Variants in COL7A1 observed in about 807,000 individuals in gnomAD.
COL7A1 encodes the protein collagen alpha-1(VII) chain.
In COL7A1, 296 loss-of-function variants were observed where a neutral mutation model predicts 456.2. The ratio of observed to expected loss-of-function variants is 0.65; its 90% confidence interval spans 0.59 to 0.71. The LOEUF (loss-of-function observed/expected upper bound fraction) is 0.71. COL7A1 is among the 30% of genes least tolerant of loss of function. COL7A1 has a pLI of 0.00. For missense variants in COL7A1, 3,441 were observed against 4,017.2 expected, an observed-to-expected ratio of 0.86 and a Z score of 3.88; for synonymous variants, 1,464 against 1,525.9, an observed-to-expected ratio of 0.96 and a Z score of 0.95.
Position 48,591,738 on chromosome 3 carries a change from C to T in COL7A1, c.1442G>A (p.Arg481His), listed in dbSNP as rs147040026. ...LDGLQPGTEY[R>H]LTLYTLLEGH... ...CTCCAGCAGAGTGTAGAGTGTGAGG[C>T]GGTACTCAGTGCCCGGCTGCAGCCC... The change falls in exon 12 of 119, where the codon CGC becomes CAC. Residue 481 changes from arginine (R) to histidine (H), a missense_variant. Coordinates refer to ENST00000681320, the MANE Select transcript of COL7A1 (RefSeq NM_000094.4). The surrounding 1 kb of genome is among the most constrained non-coding windows in gnomAD (Gnocchi z 7.0). 1.1e-5 allele frequency: 17 copies of T among 1,613,982 alleles called. No homozygotes were observed. Among genetic ancestry groups the T allele is most frequent in the East Asian group, 2.2e-5 (1 of 44,900 alleles).
rs1004844277 is a variant in COL7A1 at position 48,578,226 on chromosome 3, A to G, written c.5532+95T>C. On this transcript the variant is annotated intron_variant, in intron 65 of 118. Transcript: ENST00000681320. This position sits in a 1 kb window ranked among gnomAD's most constrained non-coding sequence, Gnocchi z 4.7. ...TGTCTGGGCCAGGATGCATGTGTCT[A>G]CACGTGTGCCTCATGTGTTGCTACA... 5.6e-6 allele frequency: 8 copies of G among 1,423,226 alleles called. No individual in the cohort carries two copies. The Admixed American group carries it at 1.4e-4, about 26-fold the overall frequency. The allele number at this position is 1,423,226 out of a possible 1,614,324, so 88.2% of individuals were successfully genotyped here. A position where few individuals can be genotyped will look rare whatever the true frequency, so the allele number is the denominator to read the frequency against.
rs2045489953 is a variant in COL7A1, at chr3:48,588,915, C to A, written c.2395G>T (p.Val799Phe). The stretch of plus-strand genomic sequence containing the variant: ...AGTCTGTAAGCTGTGGCTCCAGTGA[C>A]CCCTACCCAGGTGATCCGTAGAACG... ...SDVLRITWVG[V>F]TGATAYRLAW... The change falls in exon 19 of 119, where the codon GTC (valine) becomes TTC (phenylalanine). Residue 799 changes from valine to phenylalanine, a missense_variant. Val to Phe is a conservative substitution (Grantham distance 50). Transcript: ENST00000681320. The surrounding 1 kb of genome is among the most constrained non-coding windows in gnomAD (Gnocchi z 4.6). The A allele has an allele frequency of 1.2e-6, 2 of 1,613,570 alleles. No homozygotes were observed. Among genetic ancestry groups the A allele is most frequent in the Admixed American group, 1.7e-5 (1 of 60,012 alleles).
chr3:48,579,425 T>G lies in COL7A1; in HGVS notation c.5272-21A>C, dbSNP rs1362982954. The G allele has an allele frequency of 4.3e-6, 7 of 1,614,110 alleles. No homozygotes were observed. Among genetic ancestry groups the G allele is most frequent in the Non-Finnish European group, 5.9e-6 (7 of 1,180,006 alleles). ...TCCCCCTGGAGGGAACAGGGTCAGA[T>G]AAGAGGTGAGGGTAAGATGGGGACT... On this transcript the variant is annotated intron_variant, in intron 60 of 118. Transcript: ENST00000681320. The surrounding 1 kb of genome is among the most constrained non-coding windows in gnomAD (Gnocchi z 4.4).
In COL7A1 at chr3:48,584,919, A is replaced by C; in HGVS notation, c.4002T>G (p.Arg1334=). Residue 1334 remains arginine (R), a synonymous_variant, in exon 34 of 119, where the codon CGT becomes CGG. Transcript: ENST00000681320. Reference sequence around the variant, plus strand: ...AGGGAAGGCACCTTACCGGGTCCCCACGAGGGCCAGGCAACCCTGGAGAGC... The same window carrying C: ...AGGGAAGGCACCTTACCGGGTCCCCCCGAGGGCCAGGCAACCCTGGAGAGC... ...LKGSPGLPGP[R]GDPGERGPRG... is the part of the protein sequence containing the mutation. The C allele has an allele frequency of 6.2e-7, 1 of 1,613,982 alleles. No individual in the cohort carries two copies. Among genetic ancestry groups the C allele is most frequent in the Non-Finnish European group, 8.5e-7 (1 of 1,180,006 alleles).
rs78606463 is a variant in COL7A1, at chr3:48,576,930, C to T, written c.5569-11G>A. On this transcript the variant is annotated splice_polypyrimidine_tract_variant and intron_variant, in intron 66 of 118. Transcript: ENST00000681320. ...ATCTCCTTTCTCTCCCTAAGGAAGACAAGGATGCTTCAGGCATGGCTCCAA... is the reference window on the plus strand; with the variant it reads ...ATCTCCTTTCTCTCCCTAAGGAAGATAAGGATGCTTCAGGCATGGCTCCAA... 6.2e-7 allele frequency: 1 copy of T among 1,614,050 alleles called. No homozygotes were observed. Among genetic ancestry groups the T allele is most frequent in the African/African-American group, 1.3e-5 (1 of 75,020 alleles).
At position 48,565,494 on chromosome 3, in the gene COL7A1, G is replaced by T. The variant is rs1427194432; in HGVS notation, c.8443C>A (p.Pro2815Thr). 6.2e-7 allele frequency: 1 copy of T among 1,613,634 alleles called. No homozygotes were observed. The highest frequency in any genetic ancestry group is 1.1e-5 in the South Asian group (1 of 90,978). Residue 2815 changes from proline (P) to threonine (T), a missense_variant and splice_region_variant, in exon 116 of 119, where the codon CCC becomes ACC. Coordinates refer to ENST00000681320, the MANE Select transcript of COL7A1 (RefSeq NM_000094.4). This position sits in a 1 kb window ranked among gnomAD's most constrained non-coding sequence, Gnocchi z 4.5. ...QGQFIASGSR[P>T]LPSYAADTAG... The stretch of plus-strand genomic sequence containing the variant: ...GTGTCTGCAGCATAACTAGGGAGGG[G>T]TCCTGGAGCCAAGAGCAGGGGCCTC...
At position 48,585,054 on chromosome 3, in the gene COL7A1, A is replaced by G; in HGVS notation, c.3957T>C (p.Pro1319=). The change falls in exon 33 of 119, where the codon CCT becomes CCC. Residue 1319 remains proline (P), a synonymous_variant. Transcript: ENST00000681320. The surrounding 1 kb of genome is among the most constrained non-coding windows in gnomAD (Gnocchi z 4.5). ...TGCTCACCTTTAGGCCAGGGGCTCC[A>G]GGGGTCCCAGGATTCCCGGCGCGGC... ...SPGRAGNPGT[P]GAPGLKGSPG... The G allele has an allele frequency of 6.2e-7, 1 of 1,612,888 alleles. No individual in the cohort carries two copies.
At position 48,564,811 on chromosome 3, in the gene COL7A1, T is replaced by A; in HGVS notation, c.8790A>T (p.Pro2930=). ...TCCCCTGGCTCTGGACCACCCGGGG[T>A]GGGCAGCGGCGCTCGCAGGCCTCAC... ...GTREACERRC[P]PRVVQSQGTG... is the part of the protein sequence containing the mutation. Residue 2930 remains proline, a synonymous_variant, in exon 118 of 119, where the codon CCA becomes CCT. Coordinates refer to ENST00000681320, the MANE Select transcript of COL7A1 (RefSeq NM_000094.4). This position sits in a 1 kb window ranked among gnomAD's most constrained non-coding sequence, Gnocchi z 6.0. 1.2e-6 allele frequency: 2 copies of A among 1,613,652 alleles called. No individual in the cohort carries two copies. The highest frequency in any genetic ancestry group is 2.2e-5 in the South Asian group (2 of 91,068).
In COL7A1 at chr3:48,588,937, A is replaced by C; in HGVS notation, c.2373T>G (p.Val791=). Reference sequence around the variant, plus strand: ...TGACCCCTACCCAGGTGATCCGTAGAACGTCGCTGGAAGCATTGAGGATCT... The same window carrying C: ...TGACCCCTACCCAGGTGATCCGTAGCACGTCGCTGGAAGCATTGAGGATCT... ...RLQILNASSD[V]LRITWVGVTG... is the part of the protein sequence containing the mutation. The change falls in exon 19 of 119, where the codon GTT becomes GTG. Residue 791 remains valine (V), a synonymous_variant. Transcript: ENST00000681320. The surrounding 1 kb of genome is among the most constrained non-coding windows in gnomAD (Gnocchi z 4.6). 1 of 1,613,634 alleles carries C rather than the reference A, an allele frequency of 6.2e-7. No individual in the cohort carries two copies. Among genetic ancestry groups the C allele is most frequent in the Non-Finnish European group, 8.5e-7 (1 of 1,180,032 alleles).
At position 48,580,377 on chromosome 3, in the gene COL7A1, G is replaced by T. The variant is rs752874499; in HGVS notation, c.5053-33C>A. 2.8e-5 allele frequency: 45 copies of T among 1,602,672 alleles called. 1 individual carries two copies. Among genetic ancestry groups the T allele is most frequent in the Non-Finnish European group, 3.7e-5 (44 of 1,173,794 alleles). On this transcript the variant is annotated intron_variant, in intron 55 of 118. Transcript: ENST00000681320. The surrounding 1 kb of genome is among the most constrained non-coding windows in gnomAD (Gnocchi z 4.5). Reference sequence around the variant, plus strand: ...AAGGCAGGGGTCAGGGCCACTCAAGGTAGGCAGCAGTTTGGGAGAGCTTTG... The same window carrying T: ...AAGGCAGGGGTCAGGGCCACTCAAGTTAGGCAGCAGTTTGGGAGAGCTTTG...
Position 48,564,647 on chromosome 3 carries a change from G to T in COL7A1, c.8818+136C>A. ...ATTCAGCTCTTTGGTCTGGGCGTCT[G>T]CCCCAGGTCCCCTACTGCGAGGGAG... On this transcript the variant is annotated intron_variant, in intron 118 of 118. Coordinates refer to ENST00000681320, the MANE Select transcript of COL7A1 (RefSeq NM_000094.4). This position sits in a 1 kb window ranked among gnomAD's most constrained non-coding sequence, Gnocchi z 6.0. 8.8e-7 allele frequency: 1 copy of T among 1,133,010 alleles called. No homozygotes were observed. Among genetic ancestry groups the T allele is most frequent in the Non-Finnish European group, 1.3e-6 (1 of 793,998 alleles). 70.2% of individuals were successfully genotyped at this position (1,133,010 alleles called of 1,614,324 possible). A position where few individuals can be genotyped will look rare whatever the true frequency, so the allele number is the denominator to read the frequency against.
rs1262422383 is a variant in COL7A1 at position 48,590,219 on chromosome 3, G to T, written c.2044C>A (p.Arg682=). The T allele has an allele frequency of 1.2e-6, 2 of 1,613,136 alleles. No individual in the cohort carries two copies. Among genetic ancestry groups the T allele is most frequent in the Non-Finnish European group, 1.7e-6 (2 of 1,179,850 alleles). Residue 682 remains arginine (R), a synonymous_variant, in exon 16 of 119, where the codon CGA becomes AGA. Coordinates refer to ENST00000681320, the MANE Select transcript of COL7A1 (RefSeq NM_000094.4). The surrounding 1 kb of genome is among the most constrained non-coding windows in gnomAD (Gnocchi z 4.6). ...EEGPAAVIVA[R]TDPLGPVRTV... ...GACGGGGGCAGGGCCTGACCCGTTC[G>T]AGCCACGATGACTGCAGCAGGGCCC...
Position 48,590,856 on chromosome 3 carries a change from G to A in COL7A1, c.1637-40C>T, listed in dbSNP as rs1228779715. ...AGGGTAGGTGGGCAGGGGTCAGAAA[G>A]AGACAGGGATGTGGGACGATGGCAG... is the stretch of plus-strand genomic sequence containing the variant. On this transcript the variant is annotated intron_variant, in intron 13 of 118. Transcript: ENST00000681320. This position sits in a 1 kb window ranked among gnomAD's most constrained non-coding sequence, Gnocchi z 4.6. The A allele has an allele frequency of 1.1e-5, 17 of 1,603,576 alleles. No homozygotes were observed. In the East Asian group the frequency reaches 3.6e-4, roughly 34 times the overall value.
chr3:48,585,566 C>T lies in COL7A1; in HGVS notation c.3885G>A (p.Lys1295=), dbSNP rs1226358669. The part of the protein sequence containing the change: ...PQGPPGSATA[K]GERGFPGADG... ...TGGTCTCCACACTCACCCTCTCGCC[C>T]TTGGCAGTGGCACTTCCAGGGGGCC... Residue 1295 remains lysine (K), a synonymous_variant, in exon 32 of 119, where the codon AAG becomes AAA. Coordinates refer to ENST00000681320, the MANE Select transcript of COL7A1 (RefSeq NM_000094.4). This position sits in a 1 kb window ranked among gnomAD's most constrained non-coding sequence, Gnocchi z 4.5. The T allele has an allele frequency of 6.2e-7, 1 of 1,613,960 alleles. No homozygotes were observed. The highest frequency in any genetic ancestry group is 2.2e-5 in the East Asian group (1 of 44,880).
At position 48,576,272 on chromosome 3, in the gene COL7A1, G is replaced by T. The variant is rs757415879; in HGVS notation, c.5797C>A (p.Arg1933=). 13 of 1,613,666 alleles carry T rather than the reference G, an allele frequency of 8.1e-6. No individual in the cohort carries two copies. Among genetic ancestry groups the T allele is most frequent in the Non-Finnish European group, 1.1e-5 (13 of 1,180,018 alleles). ...ACCGGCACACTTCCAGGCTCTCCTC[G>T]CAGGCCACGCTCTCCAGGGAGGCCC... The part of the protein sequence containing the change: ...EQGLPGERGL[R]GEPGSVPNVD... Residue 1933 remains arginine, a synonymous_variant, in exon 71 of 119, where the codon CGA becomes AGA. Transcript: ENST00000681320.
At position 48,566,782 on chromosome 3, in the gene COL7A1, G is replaced by T. The variant is rs1302011917; in HGVS notation, c.8227-45C>A. The T allele has an allele frequency of 6.2e-7, 1 of 1,609,890 alleles. No homozygotes were observed. On this transcript the variant is annotated intron_variant, in intron 111 of 118. Transcript: ENST00000681320. The surrounding 1 kb of genome is among the most constrained non-coding windows in gnomAD (Gnocchi z 5.9). ...AGTGAGCAGGGTCAGAGGCAGTGGG[G>T]ATCAGAGTCAGGCAGGTTGGGGGCC...
At position 48,586,051 on chromosome 3, in the gene COL7A1, TC is replaced by T; in HGVS notation, c.3723+22del. ...AGACCCCTTATATTCTACCACCCAG[TC>T]CCCCAGAGGCCTCTTCCAAACCTGA... On this transcript the variant is annotated intron_variant, in intron 28 of 118. Coordinates refer to ENST00000681320, the MANE Select transcript of COL7A1 (RefSeq NM_000094.4). This position sits in a 1 kb window ranked among gnomAD's most constrained non-coding sequence, Gnocchi z 5.1. The T allele has an allele frequency of 6.2e-7, 1 of 1,613,306 alleles. No individual in the cohort carries two copies. The highest frequency in any genetic ancestry group is 8.5e-7 in the Non-Finnish European group (1 of 1,179,984).
At chr3:48,589,830 ATGG>A in intron 16 of COL7A1, 112 bp from the exon 17 acceptor site, 1 of 1,483,670 alleles carries the variant, frequency 6.7e-7, no homozygotes, top group Non-Finnish European at 9.3e-7. Flanking sequence ...GATAGAGGAG[ATGG>A]TGAATAGGTC....
Position 48,565,656 on chromosome 3 carries a change from TG to T in COL7A1, c.8419del (p.Gln2807SerfsTer91), listed in dbSNP as rs1560193080. On this transcript the variant is annotated frameshift_variant, in exon 115 of 119. Coordinates refer to ENST00000681320, the MANE Select transcript of COL7A1 (RefSeq NM_000094.4). LOFTEE classifies it high-confidence loss of function. The surrounding 1 kb of genome is among the most constrained non-coding windows in gnomAD (Gnocchi z 4.5). Reference sequence around the variant, plus strand: ...CTCACGTGATCCAGATGCGATGAACTGGCCCTGGCAGGCTAGAGGGGGCAGA... The same window carrying T: ...CTCACGTGATCCAGATGCGATGAACTGCCCTGGCAGGCTAGAGGGGGCAGA... ...EMSQHCACQG[Q>X]FIASGSRPLP... 1.2e-6 allele frequency: 2 copies of T among 1,613,710 alleles called. No homozygotes were observed. The highest frequency in any genetic ancestry group is 2.2e-5 in the East Asian group (1 of 44,868).
Sources: gnomAD v4.1 joint callset for allele counts on GRCh38, gnomAD v4.1.1 for gene constraint, Gnocchi (gnomAD v3.1) non-coding constraint, MANE v1.5 for transcripts, NCBI Gene and HGNC (gene_info 2026-07-23, HGNC 2026-07-21) for gene names.